The following NRG3 variants were observed in gnomAD, a reference collection of about 807,000 sequenced individuals.
NRG3 encodes the protein neuregulin 3.
A neutral mutation model predicts 66.9 loss-of-function variants in NRG3; 31 were observed. The ratio of observed to expected loss-of-function variants is 0.46; its 90% CI spans 0.35 to 0.63. The LOEUF (loss-of-function observed/expected upper bound fraction) is 0.63, where lower values mean the gene tolerates loss of function less well. Among genes scored for constraint, NRG3 ranks in the 20% least tolerant of loss-of-function variants. The pLI is 0.00. For synonymous variants in NRG3, 393 were observed against 359.4 expected, an observed-to-expected ratio of 1.09 and a Z score of -1.06; for missense variants, 910 against 878.9, an observed-to-expected ratio of 1.04 and a Z score of -0.45.
intron 1 of NRG3, among the ~76,000 whole-genome samples, chr10:82,098,064 C>T (rs879738830): frequency 0.038 from 5,703 of 150,638 alleles, 149 homozygotes; most frequent in East Asian, 0.1. Flanking sequence ...TACACACACA[C>T]ACACACACAC....
rs563668041 is a variant in NRG3, at chr10:82,406,933, G to T, written c.953+48065G>T. ...CCAGACTTCCAGAAGATTCAAATTGGAATCTTCTTATCATCATTACTATTC... is the reference window on the plus strand; with the variant it reads ...CCAGACTTCCAGAAGATTCAAATTGTAATCTTCTTATCATCATTACTATTC... On this transcript the variant is annotated intron_variant, in intron 2 of 8. Coordinates refer to ENST00000372141, the MANE Select transcript of NRG3 (RefSeq NM_001010848.4). Among the ~76,000 whole-genome samples, 7 of 151,978 alleles carry T rather than the reference G, an allele frequency of 4.6e-5. No individual in the cohort carries two copies. The East Asian group carries it at 1.4e-3, about 30-fold the overall frequency.
At chr10:82,818,798 C>A (rs540140894) in intron 3 of NRG3, among the ~76,000 whole-genome samples, 1 of 152,282 alleles carries the variant, frequency 6.6e-6, no homozygotes, top group South Asian at 2.1e-4. Context: ...CCTCTTCCTG[C>A]TTTTCCCTGA....
intron 2 of NRG3, among the ~76,000 whole-genome samples, chr10:82,608,499 T>G (rs1272865645): frequency 2.0e-5 from 3 of 152,188 alleles, no homozygotes; most frequent in Non-Finnish European, 1.5e-5. Context: ...ATTATTGTTT[T>G]AAATATTTCC....
At chr10:81,952,439 G>C (rs1458695356) in intron 1 of NRG3, among the ~76,000 whole-genome samples, 2 of 151,958 alleles carry the variant, frequency 1.3e-5, no homozygotes, top group Non-Finnish European at 1.5e-5. Flanking sequence ...GGCGGCAGGG[G>C]GGTGCGGAGA....
intron 1 of NRG3, among the ~76,000 whole-genome samples, chr10:82,273,283 C>T (rs945816300): frequency 2.6e-5 from 4 of 151,926 alleles, no homozygotes; most frequent in African/African-American, 9.7e-5. Flanking sequence ...TGAGCACATT[C>T]GCTGAAGCTC....
intron 2 of NRG3, among the ~76,000 whole-genome samples, chr10:82,696,882 A>G (rs1215308583): frequency 6.6e-6 from 1 of 152,236 alleles, no homozygotes; most frequent in Middle Eastern, 3.2e-3. Context: ...GATATATTGC[A>G]AATTAAATGA....
At chr10:82,218,363 T>TC (rs1220889619) in intron 1 of NRG3, among the ~76,000 whole-genome samples, 1 of 152,222 alleles carries the variant, frequency 6.6e-6, no homozygotes, top group Non-Finnish European at 1.5e-5. Flanking sequence ...CACAGGGAAC[T>TC]AAAGGTTAAA....
intron 1 of NRG3, among the ~76,000 whole-genome samples, chr10:82,068,989 C>T (rs7082760): frequency 0.8 from 122,401 of 152,142 alleles, 49,350 homozygotes; most frequent in South Asian, 0.86. Flanking sequence ...GAGTTAACAG[C>T]ATGTCCACAG....
At chr10:82,808,606 A>G (rs1014431398) in intron 3 of NRG3, among the ~76,000 whole-genome samples, 25 of 152,256 alleles carry the variant, frequency 1.6e-4, no homozygotes, top group African/African-American at 4.3e-4. Flanking sequence ...TTAAACTGTT[A>G]TTTTTTAGAA....
intron 2 of NRG3, among the ~76,000 whole-genome samples, chr10:82,567,882 C>T (rs1038393426): frequency 4.0e-5 from 6 of 151,766 alleles, no homozygotes; most frequent in Admixed American, 2.6e-4. Context: ...TTTTGTAGCA[C>T]CTCTTCTTTT....
At position 82,359,522 on chromosome 10, in the gene NRG3, A is replaced by G. The variant is rs11193932; in HGVS notation, c.953+654A>G. Among the ~76,000 whole-genome samples the G allele has an allele frequency of 7.4e-3, 1,131 of 152,332 alleles. 13 individuals are homozygous for G. Among genetic ancestry groups the G allele is most frequent in the Non-Finnish European group, 0.011 (769 of 68,030 alleles). The stretch of plus-strand genomic sequence containing the variant: ...AATTGGTTTTTAGAGACATAAGGTT[A>G]TGTAACTGCTAAAAATAAAAACAAG... On this transcript the variant is annotated intron_variant, in intron 2 of 8. Coordinates refer to ENST00000372141, the MANE Select transcript of NRG3 (RefSeq NM_001010848.4).
chr10:82,788,510 C>T (rs2060459964), intron 3 of NRG3, among the ~76,000 whole-genome samples: 1 of 152,072 alleles, frequency 6.6e-6, no homozygotes, highest in African/African-American at 2.4e-5. Context: ...GAGGAGGTTG[C>T]AGTGAGCCAA....
At chr10:82,442,876 C>G (rs2090512206) in intron 2 of NRG3, among the ~76,000 whole-genome samples, 2 of 134,186 alleles carry the variant, frequency 1.5e-5, no homozygotes, top group Admixed American at 1.7e-4. Context: ...TGACTTCTAA[C>G]AGGCCTGTTA....
chr10:82,261,842 A>G (rs1341373167), intron 1 of NRG3, among the ~76,000 whole-genome samples: 1 of 152,146 alleles, frequency 6.6e-6, no homozygotes, highest in Non-Finnish European at 1.5e-5. Context: ...TCATTCCAGT[A>G]AATCCACAAC....
intron 3 of NRG3, among the ~76,000 whole-genome samples, chr10:82,841,364 A>C (rs2063049058): frequency 6.6e-6 from 1 of 152,174 alleles, no homozygotes; most frequent in Non-Finnish European, 1.5e-5. Flanking sequence ...CTTGTACCAA[A>C]ATGCGTATCA....
At chr10:82,437,149 T>C (rs1169121544) in intron 2 of NRG3, among the ~76,000 whole-genome samples, 1 of 152,098 alleles carries the variant, frequency 6.6e-6, no homozygotes, top group Non-Finnish European at 1.5e-5. Context: ...TTGTTTCCAT[T>C]CTCCCTTCTC....
chr10:82,486,298 A>T (rs1278586398), intron 2 of NRG3, among the ~76,000 whole-genome samples: 1 of 152,234 alleles, frequency 6.6e-6, no homozygotes, highest in African/African-American at 2.4e-5. Context: ...AGTTTTTCAA[A>T]GAGATATTTG....
At chr10:81,930,276 C>A (rs535686458) in intron 1 of NRG3, among the ~76,000 whole-genome samples, 1 of 152,112 alleles carries the variant, frequency 6.6e-6, no homozygotes, top group Non-Finnish European at 1.5e-5. Flanking sequence ...CAAGATGGTC[C>A]TCGCTTCATA....
intron 2 of NRG3, among the ~76,000 whole-genome samples, chr10:82,451,862 C>G (rs2091031658): frequency 6.6e-6 from 1 of 152,046 alleles, no homozygotes; most frequent in Admixed American, 6.5e-5. Context: ...ATACTGTAGA[C>G]CTACTTGCAT....
Sources: gnomAD v4.1 joint callset for allele counts (sites outside exome capture counted in the v4.1 genomes callset) on GRCh38, gnomAD v4.1.1 for gene constraint, MANE v1.5 for transcripts, NCBI Gene and HGNC (gene_info 2026-07-23, HGNC 2026-07-21) for gene names.